ACTR3B: variants seen among roughly 807,000 people sequenced by gnomAD.
The protein encoded by ACTR3B is actin related protein 3B.
A neutral mutation model predicts 59.0 loss-of-function variants in ACTR3B; 8 were observed. The ratio of observed to expected loss-of-function variants is 0.14; its 90% CI spans 0.08 to 0.24. The LOEUF is 0.24. Ranked by LOEUF, ACTR3B falls within the 10% of genes least tolerant of loss-of-function variation. ACTR3B has a pLI of 1.00. For synonymous variants in ACTR3B, 148 were observed against 197.9 expected, an observed-to-expected ratio of 0.75 and a Z score of 2.12; for missense variants, 245 against 552.3, an observed-to-expected ratio of 0.44 and a Z score of 5.58.
At chr7:152,793,993 A>T (rs1393951505) in intron 2 of ACTR3B, among the ~76,000 whole-genome samples, 1 of 151,604 alleles carries the variant, frequency 6.6e-6, no homozygotes, top group East Asian at 2.0e-4. Flanking sequence ...GCTGTACTAG[A>T]GATAGCTTGG....
At chr7:152,847,030 CTGCAGTGAGCTCTAGTGCCCGGGCTGT>C in intron 9 of ACTR3B, among the ~76,000 whole-genome samples, 1 of 145,464 alleles carries the variant, frequency 6.9e-6, no homozygotes, top group Non-Finnish European at 1.5e-5. Flanking sequence ...GGGCTGTAGT[CTGCAGTGAGCTCTAGTGCCCGGGCTGT>C]AGTCTGCAGT....
At chr7:152,853,878 G>A (rs868806397) in intron 11 of ACTR3B, among the ~76,000 whole-genome samples, 3 of 151,886 alleles carry the variant, frequency 2.0e-5, no homozygotes, top group African/African-American at 4.8e-5. Context: ...CACCATGCCC[G>A]GCTCATTTTT....
intron 9 of ACTR3B, among the ~76,000 whole-genome samples, chr7:152,835,660 G>T (rs928723976): frequency 7.9e-5 from 12 of 152,088 alleles, no homozygotes; most frequent in African/African-American, 2.9e-4. Context: ...GGGTGAAGTG[G>T]AATAAATGCC....
In ACTR3B at chr7:152,800,540, T is replaced by C; in HGVS notation, c.110T>C (p.Ile37Thr). 1 of 1,613,798 alleles carries C rather than the reference T, an allele frequency of 6.2e-7. No homozygotes were observed. The highest frequency in any genetic ancestry group is 1.7e-4 in the Middle Eastern group (1 of 6,056). ...GTGTGTTTTTTTTAAGGTATTGCCA[T>C]CAGAGAGTCAGCAAAGGTAGTTGAC... ...PQFIIPSCIA[I>T]RESAKVVDQA... The change falls in exon 3 of 12, where the codon ATC (isoleucine) becomes ACC (threonine). Residue 37 changes from isoleucine (I) to threonine (T), a missense_variant. This residue lies in a region of ACTR3B where 14 missense variants were observed against 16.2 expected (regional missense o/e 0.86). Coordinates refer to ENST00000256001, the MANE Select transcript of ACTR3B (RefSeq NM_020445.6).
In ACTR3B at chr7:152,825,118, A is replaced by G; in HGVS notation, c.947A>G (p.Tyr316Cys). ...CCCATCGATGTGCGGCGCCCGCTGT[A>G]TAAGGTATGAGCTGCCTGGGTAAGG... The part of the protein sequence containing the change: ...NCPIDVRRPL[Y>C]KNVVLSGGST... The change falls in exon 9 of 12, where the codon TAT becomes TGT. Residue 316 changes from tyrosine (Y) to cysteine (C), a missense_variant. Physicochemically the swap from Tyr to Cys is radical, Grantham distance 194. This residue lies in a region of ACTR3B where 153 missense variants were observed against 266.2 expected (regional missense o/e 0.57). Transcript: ENST00000256001. 1.2e-6 allele frequency: 2 copies of G among 1,613,564 alleles called. No homozygotes were observed. Among genetic ancestry groups the G allele is most frequent in the Non-Finnish European group, 1.7e-6 (2 of 1,179,746 alleles).
chr7:152,807,608 T>C (rs2531023), intron 4 of ACTR3B, among the ~76,000 whole-genome samples: 3 of 152,266 alleles, frequency 2.0e-5, no homozygotes, highest in Admixed American at 1.3e-4. Flanking sequence ...TTCAGACTGC[T>C]GTCAGCACCG....
chr7:152,759,900 T>C lies in ACTR3B; in HGVS notation c.18T>C (p.Pro6=). 1 of 1,382,348 alleles carries C rather than the reference T, an allele frequency of 7.2e-7. No homozygotes were observed. Among genetic ancestry groups the C allele is most frequent in the Non-Finnish European group, 9.4e-7 (1 of 1,058,818 alleles). The allele number at this position is 1,382,348 out of a possible 1,614,324, so 85.6% of individuals were successfully genotyped here. A position where few individuals can be genotyped will look rare whatever the true frequency, so the allele number is the denominator to read the frequency against. The change falls in exon 1 of 12, where the codon CCT becomes CCC. Residue 6 remains proline (P), a synonymous_variant. Coordinates refer to ENST00000256001, the MANE Select transcript of ACTR3B (RefSeq NM_020445.6). ...TCCCGAGCATGGCAGGCTCCCTGCC[T>C]CCCTGCGTGGTGGACTGTGGCACCG... MAGSL[P]PCVVDCGTGY...
chr7:152,796,832 GTAGTTGGGACTCCCGGC>G (rs1458167346), intron 2 of ACTR3B, among the ~76,000 whole-genome samples: 6 of 126,674 alleles, frequency 4.7e-5, no homozygotes, highest in African/African-American at 1.7e-4. Flanking sequence ...AGGCTCCCAA[GTAGTTGGGACTCCCGGC>G]TAGTTTTTGT....
At chr7:152,788,258 G>T (rs554859064) in intron 2 of ACTR3B, among the ~76,000 whole-genome samples, 3 of 151,660 alleles carry the variant, frequency 2.0e-5, no homozygotes, top group Non-Finnish European at 4.4e-5. Context: ...GCCCGGCCTT[G>T]ATTATTATTT....
At position 152,759,897 on chromosome 7, in the gene ACTR3B, G is replaced by A. The variant is rs1378304152; in HGVS notation, c.15G>A (p.Leu5=). ...GCGTCCCGAGCATGGCAGGCTCCCT[G>A]CCTCCCTGCGTGGTGGACTGTGGCA... The part of the protein sequence containing the change: MAGS[L]PPCVVDCGTG... Residue 5 remains leucine (L), a synonymous_variant, in exon 1 of 12, where the codon CTG becomes CTA. Coordinates refer to ENST00000256001, the MANE Select transcript of ACTR3B (RefSeq NM_020445.6). The A allele has an allele frequency of 3.6e-6, 5 of 1,376,376 alleles. No homozygotes were observed. Among genetic ancestry groups the A allele is most frequent in the African/African-American group, 1.5e-5 (1 of 67,228 alleles). 85.3% of individuals were successfully genotyped at this position (1,376,376 alleles called of 1,614,324 possible). A position where few individuals can be genotyped will look rare whatever the true frequency, so the allele number is the denominator to read the frequency against.
At position 152,759,773 on chromosome 7, in the gene ACTR3B, G is replaced by T. The variant is rs2098082935; in HGVS notation, c.-110G>T. 2.3e-6 allele frequency: 2 copies of T among 881,292 alleles called. No individual in the cohort carries two copies. The highest frequency in any genetic ancestry group is 5.3e-5 in the Admixed American group (1 of 18,960). 54.6% of individuals were successfully genotyped at this position (881,292 alleles called of 1,614,324 possible). A position where few individuals can be genotyped will look rare whatever the true frequency, so the allele number is the denominator to read the frequency against. Reference sequence around the variant, plus strand: ...GAGCATCCGGGCTCCCGGCAGCGGCGCTGCGGCGGCTCGCGGGAGACGCTG... The same window carrying T: ...GAGCATCCGGGCTCCCGGCAGCGGCTCTGCGGCGGCTCGCGGGAGACGCTG... On this transcript the variant is annotated 5_prime_UTR_variant, in exon 1 of 12. Transcript: ENST00000256001.
At chr7:152,779,868 A>G (rs891684665) in intron 1 of ACTR3B, among the ~76,000 whole-genome samples, 1 of 152,236 alleles carries the variant, frequency 6.6e-6, no homozygotes, top group African/African-American at 2.4e-5. Flanking sequence ...TGTTTGTTAC[A>G]TTATGATTAT....
Position 152,767,183 on chromosome 7 carries a change from C to T in ACTR3B, c.44+7257C>T, listed in dbSNP as rs573702066. Among the ~76,000 whole-genome samples the T allele has an allele frequency of 1.1e-4, 16 of 151,898 alleles. 1 individual carries two copies. In the East Asian group the frequency reaches 3.1e-3, roughly 29 times the overall value. ...CCTGAGATAAGGTATGAAGAATGGA[C>T]CCAGTTGGATCCACTTTTGTGTGTG... On this transcript the variant is annotated intron_variant, in intron 1 of 11. Coordinates refer to ENST00000256001, the MANE Select transcript of ACTR3B (RefSeq NM_020445.6).
chr7:152,798,904 T>C (rs577231934), intron 2 of ACTR3B, among the ~76,000 whole-genome samples: 106 of 152,362 alleles, frequency 7.0e-4, no homozygotes, highest in Admixed American at 2.0e-3. Context: ...AGCTTTATAG[T>C]GTACTTTGAA....
intron 9 of ACTR3B, among the ~76,000 whole-genome samples, chr7:152,848,736 A>G (rs1364402934): frequency 6.6e-6 from 1 of 152,188 alleles, no homozygotes; most frequent in African/African-American, 2.4e-5. Context: ...GTAACTAGGT[A>G]TGCAGTGTGT....
chr7:152,841,973 G>T (rs181554621), intron 9 of ACTR3B, among the ~76,000 whole-genome samples: 2 of 152,178 alleles, frequency 1.3e-5, no homozygotes, highest in Admixed American at 1.3e-4. Flanking sequence ...CATACTTAAC[G>T]TGATAATCAC....
In ACTR3B at chr7:152,759,756, G is replaced by T; in HGVS notation, c.-127G>T. 1 of 713,716 alleles carries T rather than the reference G, an allele frequency of 1.4e-6. No homozygotes were observed. Among genetic ancestry groups the T allele is most frequent in the Non-Finnish European group, 1.8e-6 (1 of 563,544 alleles). 44.2% of individuals were successfully genotyped at this position (713,716 alleles called of 1,614,324 possible). On this transcript the variant is annotated 5_prime_UTR_variant, in exon 1 of 12. Transcript: ENST00000256001. ...GTCACGTGTCGGCCGCCGAGCATCCGGGCTCCCGGCAGCGGCGCTGCGGCG... is the reference window on the plus strand; with the variant it reads ...GTCACGTGTCGGCCGCCGAGCATCCTGGCTCCCGGCAGCGGCGCTGCGGCG...
At chr7:152,761,003 G>T (rs998457360) in intron 1 of ACTR3B, among the ~76,000 whole-genome samples, 12 of 152,112 alleles carry the variant, frequency 7.9e-5, no homozygotes, top group Admixed American at 2.6e-4. Context: ...CACTTGGTTT[G>T]GTTTCCTTGA....
intron 9 of ACTR3B, among the ~76,000 whole-genome samples, chr7:152,825,759 C>A (rs183172695): frequency 6.6e-6 from 1 of 152,134 alleles, no homozygotes; most frequent in Non-Finnish European, 1.5e-5. Context: ...CCATTGGTTT[C>A]GTTTCATGCA....
Sources: gnomAD v4.1 joint callset for allele counts (sites outside exome capture counted in the v4.1 genomes callset) on GRCh38, gnomAD v4.1.1 for gene constraint, gnomAD v4.1.1 regional missense constraint, MANE v1.5 for transcripts, NCBI Gene and HGNC (gene_info 2026-07-23, HGNC 2026-07-21) for gene names.